The following TRABD2B variants were observed in gnomAD, a reference collection of about 807,000 sequenced individuals.
The protein encoded by TRABD2B is TraB domain containing 2B.
A neutral mutation model predicts 40.1 loss-of-function variants in TRABD2B; 14 were observed. That is an observed-to-expected ratio of 0.35 (90% CI 0.23 to 0.55). The LOEUF (loss-of-function observed/expected upper bound fraction) is 0.55, where lower values mean the gene tolerates loss of function less well. Among genes scored for constraint, TRABD2B ranks in the 20% least tolerant of loss-of-function variants. The pLI, the probability that TRABD2B is intolerant of heterozygous loss-of-function variation, is 0.90. For missense variants in TRABD2B, 541 were observed against 648.6 expected (o/e 0.83, Z 1.80); for synonymous variants, 263 against 277.0 (o/e 0.95, Z 0.50).
intron 2 of TRABD2B, among the ~76,000 whole-genome samples, chr1:47,844,278 T>A (rs1180540868): frequency 6.6e-6 from 1 of 151,538 alleles, no homozygotes; most frequent in African/African-American, 2.4e-5. Context: ...CCCACAAGAG[T>A]CGTGTGTGTC....
chr1:47,851,843 C>A (rs1269080750), intron 2 of TRABD2B, among the ~76,000 whole-genome samples: 1 of 152,170 alleles, frequency 6.6e-6, no homozygotes, highest in East Asian at 1.9e-4. Context: ...TGGCGAGGAA[C>A]CCTAGGCTTA....
chr1:47,984,043 A>C (rs1207226711), intron 2 of TRABD2B, among the ~76,000 whole-genome samples: 1 of 152,186 alleles, frequency 6.6e-6, no homozygotes, highest in Non-Finnish European at 1.5e-5. Flanking sequence ...GTCGAATGGG[A>C]CCCCAGGCTT....
At position 47,764,633 on chromosome 1, in the gene TRABD2B, C is replaced by A. The variant is rs950604895; in HGVS notation, c.*1269G>T. The A allele has an allele frequency of 2.0e-5, 3 of 152,200 alleles. No individual in the cohort carries two copies. Among genetic ancestry groups the A allele is most frequent in the African/African-American group, 7.2e-5 (3 of 41,448 alleles). The allele number at this position is 152,200 out of a possible 1,614,324, so 9.4% of individuals were successfully genotyped here. A position where few individuals can be genotyped will look rare whatever the true frequency, so the allele number is the denominator to read the frequency against. On this transcript the variant is annotated 3_prime_UTR_variant, in exon 7 of 7. Coordinates refer to ENST00000606738, the MANE Select transcript of TRABD2B (RefSeq NM_001194986.2). ...CATGGCACATGCAGTTGCCAGAGCC[C>A]TTTGGCCAGAGGGGTCAACATAAGC...
intron 2 of TRABD2B, among the ~76,000 whole-genome samples, chr1:47,933,725 C>T (rs1016824883): frequency 1.3e-5 from 2 of 152,222 alleles, no homozygotes; most frequent in Non-Finnish European, 2.9e-5. Flanking sequence ...CAGAACAGAG[C>T]TCCAATCATC....
chr1:47,870,596 G>A (rs1644126731), intron 2 of TRABD2B, among the ~76,000 whole-genome samples: 2 of 152,220 alleles, frequency 1.3e-5, no homozygotes, highest in African/African-American at 4.8e-5. Context: ...ACGGAAGGAA[G>A]GAAACATGCA....
chr1:47,950,564 A>C (rs1645327776), intron 2 of TRABD2B, among the ~76,000 whole-genome samples: 1 of 152,230 alleles, frequency 6.6e-6, no homozygotes, highest in Non-Finnish European at 1.5e-5. Flanking sequence ...AGAGCACAGA[A>C]GGAAAACAGG....
intron 2 of TRABD2B, among the ~76,000 whole-genome samples, chr1:47,898,726 T>G (rs1174086810): frequency 6.6e-6 from 1 of 152,192 alleles, no homozygotes; most frequent in East Asian, 1.9e-4. Flanking sequence ...GCACAAATGT[T>G]AATGTATTTG....
intron 4 of TRABD2B, among the ~76,000 whole-genome samples, chr1:47,785,640 G>T (rs1644585381): frequency 6.6e-6 from 1 of 152,262 alleles, no homozygotes; most frequent in Non-Finnish European, 1.5e-5. Flanking sequence ...GCATGGCACG[G>T]GGTGCATCCA....
In TRABD2B at chr1:47,792,167, G is replaced by A. The variant is rs529796618; in HGVS notation, c.988+2419C>T. On this transcript the variant is annotated intron_variant, in intron 4 of 6. Transcript: ENST00000606738. ...TTTTGGAGAGTGGATTCATGAGAGC[G>A]GAGGTGAGTCTCCCTTTGCCCTGAC... Among the ~76,000 whole-genome samples, 22 of 152,326 alleles carry A rather than the reference G, an allele frequency of 1.4e-4. 1 individual carries two copies. Among genetic ancestry groups the A allele is most frequent in the East Asian group, 9.7e-4 (5 of 5,178 alleles).
intron 2 of TRABD2B, among the ~76,000 whole-genome samples, chr1:47,941,794 T>C (rs1645192789): frequency 2.0e-5 from 3 of 152,244 alleles, no homozygotes; most frequent in Non-Finnish European, 4.4e-5. Flanking sequence ...ACTATCTGTG[T>C]GACCCTGGGC....
At chr1:47,860,938 CT>C (rs547165694) in intron 2 of TRABD2B, among the ~76,000 whole-genome samples, 1 of 152,280 alleles carries the variant, frequency 6.6e-6, no homozygotes, top group East Asian at 1.9e-4. Context: ...AAATAAGCCT[CT>C]TTTCTTTATA....
At chr1:47,851,255 C>T (rs947049901) in intron 2 of TRABD2B, among the ~76,000 whole-genome samples, 1 of 152,200 alleles carries the variant, frequency 6.6e-6, no homozygotes, top group Non-Finnish European at 1.5e-5. Flanking sequence ...CTTCCCACCC[C>T]ATGCTCCATG....
chr1:47,915,620 A>G (rs1644820535), intron 2 of TRABD2B, among the ~76,000 whole-genome samples: 1 of 152,198 alleles, frequency 6.6e-6, no homozygotes, highest in African/African-American at 2.4e-5. Flanking sequence ...GATTTAGGAC[A>G]TTCCATGTTC....
At chr1:47,882,436 A>C (rs1644318397) in intron 2 of TRABD2B, among the ~76,000 whole-genome samples, 1 of 152,026 alleles carries the variant, frequency 6.6e-6, no homozygotes, top group South Asian at 2.1e-4. Context: ...ACCTTTGCAA[A>C]AGTCTTAGGG....
rs1326437549 is a variant in TRABD2B at position 47,813,138 on chromosome 1, A to G, written c.667-11519T>C. On this transcript the variant is annotated intron_variant, in intron 2 of 6. Transcript: ENST00000606738. The surrounding 1 kb of genome is among the most constrained non-coding windows in gnomAD (Gnocchi z 4.3). ...CTGCCCTGCTGACACAGCTGCCTAA[A>G]CTTCAAAAGGCAAGTCTCCATTTTC... Among the ~76,000 whole-genome samples the G allele has an allele frequency of 6.6e-6, 1 of 152,194 alleles. No individual in the cohort carries two copies. Among genetic ancestry groups the G allele is most frequent in the East Asian group, 1.9e-4 (1 of 5,196 alleles).
At chr1:47,851,234 T>C (rs1245300104) in intron 2 of TRABD2B, among the ~76,000 whole-genome samples, 1 of 152,206 alleles carries the variant, frequency 6.6e-6, no homozygotes, top group East Asian at 1.9e-4. Flanking sequence ...TGCACACTCA[T>C]GACTCTCCTT....
chr1:47,970,751 G>A (rs1219350270), intron 2 of TRABD2B, among the ~76,000 whole-genome samples: 4 of 152,282 alleles, frequency 2.6e-5, no homozygotes, highest in African/African-American at 9.6e-5. Flanking sequence ...ACTCAGGTCT[G>A]CTGTGTGCAT....
intron 2 of TRABD2B, among the ~76,000 whole-genome samples, chr1:47,967,348 C>CACACAT (rs1048710224): frequency 3.8e-5 from 5 of 131,688 alleles, no homozygotes; most frequent in African/African-American, 1.5e-4. Flanking sequence ...CACACACACA[C>CACACAT]ACACACACAC....
At chr1:47,806,276 C>G (rs1290717257) in intron 2 of TRABD2B, among the ~76,000 whole-genome samples, 1 of 152,150 alleles carries the variant, frequency 6.6e-6, no homozygotes, top group African/African-American at 2.4e-5. Context: ...GTGCAGAGCT[C>G]ATTTTAGAGG....
Sources: gnomAD v4.1 joint callset for allele counts (sites outside exome capture counted in the v4.1 genomes callset) on GRCh38, gnomAD v4.1.1 for gene constraint, Gnocchi (gnomAD v3.1) non-coding constraint, MANE v1.5 for transcripts, NCBI Gene and HGNC (gene_info 2026-07-23, HGNC 2026-07-21) for gene names.